The following ADGRE3 variants were observed in gnomAD, a reference collection of about 807,000 sequenced individuals.
ADGRE3 encodes the protein EGF-like module receptor 3.
Under a neutral mutation model 80.1 loss-of-function variants are expected in ADGRE3, and 88 were observed. The observed-to-expected ratio is 1.10, with a 90% CI of 0.93 to 1.31. The LOEUF (loss-of-function observed/expected upper bound fraction) is 1.31. ADGRE3 is among the 40% of genes most tolerant of loss of function. The pLI, the probability that ADGRE3 is intolerant of heterozygous loss-of-function variation, is 0.00. For synonymous variants in ADGRE3, 281 were observed against 294.8 expected, an observed-to-expected ratio of 0.95 and a Z score of 0.48; for missense variants, 715 against 776.5, an observed-to-expected ratio of 0.92 and a Z score of 0.94.
chr19:14,618,208 A>G (rs115906242), downstream of ADGRE3, among the ~76,000 whole-genome samples: 1,192 of 152,272 alleles, frequency 7.8e-3, 16 homozygotes, highest in African/African-American at 0.028. Context: ...AAGCTAATTA[A>G]TATACGATTA....
chr19:14,651,125 C>G lies in ADGRE3; in HGVS notation c.657G>C (p.Met219Ile). The G allele has an allele frequency of 6.2e-7, 1 of 1,614,110 alleles. No homozygotes were observed. The highest frequency in any genetic ancestry group is 8.5e-7 in the Non-Finnish European group (1 of 1,180,008). The change falls in exon 7 of 16, where the codon ATG becomes ATC. Residue 219 changes from methionine to isoleucine, a missense_variant. Met to Ile is a conservative substitution (Grantham distance 10, BLOSUM62 1). Transcript: ENST00000253673. ...GGATGATGTCACTGCAACGGATGTC[C>G]ATTGAGTTCATTTGGACGTTCAAGT... ...TFNLNVQMNSMDIRCSDIIQG... is the reference protein window; with the variant it reads ...TFNLNVQMNSIDIRCSDIIQG...
At chr19:14,670,386 C>A (rs914978859) in intron 1 of ADGRE3, among the ~76,000 whole-genome samples, 1 of 152,218 alleles carries the variant, frequency 6.6e-6, no homozygotes, top group African/African-American at 2.4e-5. Context: ...CCTGGCTCTA[C>A]TTCCATCATA....
At chr19:14,647,089 A>C (rs957976041) in intron 8 of ADGRE3, 92 bp downstream of exon 8, 1 of 986,900 alleles carries the variant, frequency 1.0e-6, no homozygotes, top group Non-Finnish European at 1.6e-6. Context: ...CCCTGAACAG[A>C]GTGGGTCTAG....
In ADGRE3 at chr19:14,663,360, G is replaced by A. The variant is rs1599650069; in HGVS notation, c.199+58C>T. The A allele has an allele frequency of 2.7e-6, 3 of 1,125,744 alleles. No homozygotes were observed. In the African/African-American group the frequency reaches 4.9e-5, roughly 18 times the overall value. 69.7% of individuals were successfully genotyped at this position (1,125,744 alleles called of 1,614,324 possible). A position where few individuals can be genotyped will look rare whatever the true frequency, so the allele number is the denominator to read the frequency against. ...AGCCTGGGCAACAGAGCAAGACCCT[G>A]TCTCTAATAATAATGATAATAAAAT... On this transcript the variant is annotated intron_variant, in intron 3 of 15. Transcript: ENST00000253673.
rs1555755829 is a variant in ADGRE3 at position 14,636,133 on chromosome 19, T to TTCCTTCCTTCCTTCCTTC, written c.1484+1971_1484+1972insGAAGGAAGGAAGGAAGGA. Among the ~76,000 whole-genome samples the TTCCTTCCTTCCTTCCTTC allele has an allele frequency of 1.3e-4, 5 of 37,814 alleles. 1 individual carries two copies. The highest frequency in any genetic ancestry group is 1.6e-4 in the Non-Finnish European group (3 of 19,166). The allele number at this position is 37,814 out of a possible 152,430, so 24.8% of individuals were successfully genotyped here. ...TTCTTTCTTTCTTTCTTTCTTTCTT[T>TTCCTTCCTTCCTTCCTTC]CTTTCTTTCTTTCTTTCTTCCTTTC... On this transcript the variant is annotated intron_variant, in intron 11 of 15. Coordinates refer to ENST00000253673, the MANE Select transcript of ADGRE3 (RefSeq NM_032571.5).
chr19:14,617,418 G>C (rs1391239218), downstream of ADGRE3, among the ~76,000 whole-genome samples: 1 of 80,854 alleles, frequency 1.2e-5, no homozygotes, highest in Non-Finnish European at 2.6e-5. Context: ...TCTCTTTCTT[G>C]ATGGAGTCTT....
chr19:14,617,266 CCTTT>C (rs1055548557), downstream of ADGRE3, among the ~76,000 whole-genome samples: 7 of 145,826 alleles, frequency 4.8e-5, no homozygotes, highest in African/African-American at 1.5e-4. Flanking sequence ...TTCCTTCCTT[CCTTT>C]CTTTTTCGTT....
In ADGRE3 at chr19:14,630,207, C is replaced by T. The variant is rs1398391567; in HGVS notation, c.1644G>A (p.Arg548=). Residue 548 remains arginine, a splice_region_variant and synonymous_variant, in exon 14 of 16, where the codon AGG becomes AGA. Transcript: ENST00000253673. The part of the protein sequence containing the change: ...NSEVSTIQNT[R]MLAFKATAQL... ...GAGCTGTTGCTTTGAAAGCCAGCATCCTGGGAGGAGGAAGTCAGAGATTAG... is the reference window on the plus strand; with the variant it reads ...GAGCTGTTGCTTTGAAAGCCAGCATTCTGGGAGGAGGAAGTCAGAGATTAG... 1 of 1,596,740 alleles carries T rather than the reference C, an allele frequency of 6.3e-7. No individual in the cohort carries two copies. The highest frequency in any genetic ancestry group is 8.5e-7 in the Non-Finnish European group (1 of 1,170,598).
chr19:14,647,406 CTTTCTTT>C lies in ADGRE3; in HGVS notation c.698-48_698-42del. On this transcript the variant is annotated intron_variant, in intron 7 of 15. Transcript: ENST00000253673. ...GATGGAATCTTTTTTCTTTTCTTTT[CTTTCTTT>C]TTTTTTTTTTTTTTTTGAGACGGAG... The C allele has an allele frequency of 4.2e-6, 5 of 1,193,012 alleles. No individual in the cohort carries two copies. The African/African-American group carries it at 4.8e-5, about 12-fold the overall frequency. The allele number at this position is 1,193,012 out of a possible 1,614,324, so 73.9% of individuals were successfully genotyped here.
chr19:14,629,265 G>GT (rs981080857), intron 14 of ADGRE3, among the ~76,000 whole-genome samples: 1 of 152,198 alleles, frequency 6.6e-6, no homozygotes, highest in African/African-American at 2.4e-5. Flanking sequence ...CTGCTTGGGT[G>GT]TTTTTTTCCA....
At position 14,643,911 on chromosome 19, in the gene ADGRE3, A is replaced by G. The variant is rs1599626939; in HGVS notation, c.1050+197T>C. Among the ~76,000 whole-genome samples, 4 of 151,634 alleles carry G rather than the reference A, an allele frequency of 2.6e-5. No individual in the cohort carries two copies. In the South Asian group the frequency reaches 8.3e-4, roughly 32 times the overall value. ...TTTTTAGCAGAGATGGGTTTTTGCC[A>G]TGTTGGCCAGGCTGGTTTCAAACTC... On this transcript the variant is annotated intron_variant, in intron 9 of 15. Transcript: ENST00000253673.
chr19:14,617,344 T>TTCTC (rs2075084141), downstream of ADGRE3, among the ~76,000 whole-genome samples: 4 of 49,332 alleles, frequency 8.1e-5, no homozygotes, highest in Admixed American at 2.6e-4. Context: ...CTCCCTCCCT[T>TTCTC]TCTTTCTTTC....
In ADGRE3 at chr19:14,661,651, C is replaced by T. The variant is rs547186030; in HGVS notation, c.355+312G>A. On this transcript the variant is annotated intron_variant, in intron 4 of 15. Transcript: ENST00000253673. ...CCACATCCTGGTCCCACAACAAATACGTCTTTTCTGATGTTAGATTCAATA... is the reference window on the plus strand; with the variant it reads ...CCACATCCTGGTCCCACAACAAATATGTCTTTTCTGATGTTAGATTCAATA... Among the ~76,000 whole-genome samples the T allele has an allele frequency of 2.5e-4, 38 of 152,280 alleles. No individual in the cohort carries two copies. In the South Asian group the frequency reaches 6.2e-3, roughly 25 times the overall value.
At position 14,621,147 on chromosome 19, in the gene ADGRE3, G is replaced by A. The variant is rs547725862; in HGVS notation, c.1921-1676C>T. Among the ~76,000 whole-genome samples the A allele has an allele frequency of 2.6e-5, 4 of 152,098 alleles. No homozygotes were observed. The South Asian group carries it at 8.3e-4, about 32-fold the overall frequency. On this transcript the variant is annotated intron_variant, in intron 15 of 15. Transcript: ENST00000253673. ...CGATTCTCTTGCCTCAGTCTCCTGAGTAGCTGGGATTACAGGCACCTGCCA... is the reference window on the plus strand; with the variant it reads ...CGATTCTCTTGCCTCAGTCTCCTGAATAGCTGGGATTACAGGCACCTGCCA...
At chr19:14,633,793 T>TG (rs1293421015) in intron 11 of ADGRE3, among the ~76,000 whole-genome samples, 1 of 149,540 alleles carries the variant, frequency 6.7e-6, no homozygotes, top group Admixed American at 6.6e-5. Flanking sequence ...TTTTTTTTTT[T>TG]TGAGACAGGG....
chr19:14,647,110 TG>T, intron 8 of ADGRE3, 70 bp downstream of exon 8: 1 of 1,290,198 alleles, frequency 7.8e-7, no homozygotes, highest in Non-Finnish European at 1.1e-6. Flanking sequence ...AACCACAGCC[TG>T]GGATGATACA....
chr19:14,610,223 T>C, the ADGRE3 span: 4 of 1,548,448 alleles, frequency 2.6e-6, no homozygotes, highest in East Asian at 4.9e-5. Flanking sequence ...TGGGGGTCCA[T>C]ATCTGAGTGT....
At chr19:14,671,941 G>C (rs1389396840) in intron 1 of ADGRE3, among the ~76,000 whole-genome samples, 3 of 152,050 alleles carry the variant, frequency 2.0e-5, no homozygotes, top group African/African-American at 7.2e-5. Flanking sequence ...GTAGAGATTG[G>C]GTCTTGCTGT....
chr19:14,642,135 G>A (rs1231439000), intron 9 of ADGRE3, among the ~76,000 whole-genome samples: 2 of 152,254 alleles, frequency 1.3e-5, no homozygotes, highest in South Asian at 2.1e-4. Context: ...TGCACGATAT[G>A]ATTGTACTTT....
Sources: allele counts gnomAD v4.1 joint callset (sites outside exome capture counted in the v4.1 genomes callset), GRCh38; gene constraint gnomAD v4.1.1; transcripts MANE v1.5; gene names NCBI Gene and HGNC (gene_info 2026-07-23, HGNC 2026-07-21).